NBEA: variants seen among roughly 807,000 people sequenced by gnomAD.
NBEA encodes the protein lysosomal-trafficking regulator 2.
A neutral mutation model predicts 343.4 loss-of-function variants in NBEA; 44 were observed. The ratio of observed to expected loss-of-function variants is 0.13; its 90% confidence interval spans 0.10 to 0.16. NBEA has a LOEUF of 0.16. Among genes scored for constraint, NBEA ranks in the 10% least tolerant of loss-of-function variants. The pLI is 1.00. For missense variants in NBEA, 2,555 were observed against 3,631.3 expected, an observed-to-expected ratio of 0.70 and a Z score of 7.62; for synonymous variants, 1,175 against 1,238.7, an observed-to-expected ratio of 0.95 and a Z score of 1.08.
chr13:35,305,050 A>G (rs1182884422), intron 35 of NBEA, among the ~76,000 whole-genome samples: 2 of 152,220 alleles, frequency 1.3e-5, no homozygotes, highest in African/African-American at 4.8e-5. Context: ...GCATTTCCCC[A>G]CTATAGCCAT....
At chr13:35,287,119 C>T (rs2035477923) in intron 34 of NBEA, among the ~76,000 whole-genome samples, 2 of 151,944 alleles carry the variant, frequency 1.3e-5, no homozygotes, top group Admixed American at 1.3e-4. Context: ...CCTCATAGGC[C>T]CCCACACATT....
chr13:35,598,881 G>A (rs975647059), intron 47 of NBEA, among the ~76,000 whole-genome samples: 1 of 152,130 alleles, frequency 6.6e-6, no homozygotes, highest in African/African-American at 2.4e-5. Flanking sequence ...TGAAGAGAGT[G>A]TTCTAGGCCC....
chr13:35,390,129 T>C (rs117704166), intron 38 of NBEA, among the ~76,000 whole-genome samples: 5,307 of 152,070 alleles, frequency 0.035, 139 homozygotes, highest in Non-Finnish European at 0.053. Flanking sequence ...GATGAGTCCA[T>C]TCATCACTTC....
intron 22 of NBEA, 34 bp from the exon 23 acceptor site, chr13:35,161,716 G>A (rs1157559426): frequency 2.0e-6 from 3 of 1,526,244 alleles, no homozygotes; most frequent in Non-Finnish European, 2.7e-6. Flanking sequence ...CATTTCTTTT[G>A]TATTCCACAA....
intron 1 of NBEA, among the ~76,000 whole-genome samples, chr13:34,990,035 A>C (rs1452730548): frequency 6.6e-6 from 1 of 151,236 alleles, no homozygotes; most frequent in Non-Finnish European, 1.5e-5. Flanking sequence ...TGCAAGGGGT[A>C]GGCTCCCAAG....
At chr13:35,627,856 T>TTTTCATTTAGGTCTCTGTAC in intron 48 of NBEA, among the ~76,000 whole-genome samples, 1 of 152,168 alleles carries the variant, frequency 6.6e-6, no homozygotes, top group African/African-American at 2.4e-5. Flanking sequence ...AAAGGGAAAA[T>TTTTCATTTAGGTCTCTGTAC]TTTCATTTAG....
intron 34 of NBEA, among the ~76,000 whole-genome samples, chr13:35,264,727 T>G (rs946913437): frequency 6.6e-6 from 1 of 151,812 alleles, no homozygotes; most frequent in African/African-American, 2.4e-5. Context: ...CTCTACAACT[T>G]CAGAAGGAAT....
chr13:35,193,819 A>G (rs1365324724), intron 30 of NBEA, among the ~76,000 whole-genome samples: 1 of 151,930 alleles, frequency 6.6e-6, no homozygotes, highest in African/African-American at 2.4e-5. Flanking sequence ...TCTTTGACCA[A>G]ACTAACAAAT....
chr13:35,638,832 G>A (rs189010242), intron 49 of NBEA, among the ~76,000 whole-genome samples: 254 of 152,274 alleles, frequency 1.7e-3, no homozygotes, highest in Non-Finnish European at 3.2e-3. Flanking sequence ...TTTTCTCTCC[G>A]GAGGAAATGA....
intron 1 of NBEA, among the ~76,000 whole-genome samples, chr13:35,026,137 A>G (rs1462213707): frequency 6.6e-6 from 1 of 151,906 alleles, no homozygotes; most frequent in Non-Finnish European, 1.5e-5. Flanking sequence ...ATGAGATCTG[A>G]TGGTTTCATA....
chr13:35,027,018 G>A (rs963502629), intron 1 of NBEA, among the ~76,000 whole-genome samples: 3 of 152,014 alleles, frequency 2.0e-5, no homozygotes, highest in African/African-American at 7.2e-5. Flanking sequence ...TTTGGAGACT[G>A]CTTTTCTTCA....
intron 10 of NBEA, among the ~76,000 whole-genome samples, chr13:35,086,260 C>T (rs933061228): frequency 1.3e-5 from 2 of 151,994 alleles, no homozygotes. Flanking sequence ...AAAAAAGAGC[C>T]CGCATTGCCA....
intron 49 of NBEA, 131 bp downstream of exon 49, chr13:35,628,379 A>G (rs981588894): frequency 8.7e-6 from 6 of 687,842 alleles, no homozygotes; most frequent in East Asian, 3.1e-5. Context: ...GGTTCTTGAC[A>G]TATGTGGAAA....
intron 38 of NBEA, among the ~76,000 whole-genome samples, chr13:35,378,665 T>TATAC (rs2041864602): frequency 6.6e-6 from 1 of 151,924 alleles, no homozygotes; most frequent in Admixed American, 6.6e-5. Context: ...TATATTAAAG[T>TATAC]ATACATACAT....
chr13:35,058,032 A>ATGACTGCC (rs1225330246), intron 7 of NBEA, among the ~76,000 whole-genome samples: 1 of 152,142 alleles, frequency 6.6e-6, no homozygotes, highest in Non-Finnish European at 1.5e-5. Context: ...GAACTGAGCC[A>ATGACTGCC]TGACTGCCTT....
At chr13:35,182,576 CT>C (rs1163587415) in intron 29 of NBEA, 48 bp downstream of exon 29, 4 of 1,513,642 alleles carry the variant, frequency 2.6e-6, no homozygotes, top group Non-Finnish European at 1.8e-6. Flanking sequence ...GATGTATCTC[CT>C]TTTTTTCACC....
intron 10 of NBEA, among the ~76,000 whole-genome samples, chr13:35,092,955 A>G (rs931268088): frequency 1.3e-5 from 2 of 152,036 alleles, no homozygotes; most frequent in African/African-American, 2.4e-5. Flanking sequence ...GCTTTTACAA[A>G]TGAATGGGTA....
intron 56 of NBEA, 52 bp downstream of exon 56, chr13:35,665,238 A>G (rs2085295229): frequency 7.2e-7 from 1 of 1,389,650 alleles, no homozygotes; most frequent in Non-Finnish European, 1.0e-6. Context: ...CTGTTTTCTC[A>G]CACTAAGCGT....
At chr13:35,283,649 C>G (rs960436000) in intron 34 of NBEA, among the ~76,000 whole-genome samples, 4 of 152,112 alleles carry the variant, frequency 2.6e-5, no homozygotes, top group African/African-American at 7.2e-5. Flanking sequence ...TTCATAGCAT[C>G]TTTAGGAAAG....
Sources: gnomAD v4.1 joint callset for allele counts (sites outside exome capture counted in the v4.1 genomes callset) on GRCh38, gnomAD v4.1.1 for gene constraint, MANE v1.5 for transcripts, NCBI Gene and HGNC (gene_info 2026-07-23, HGNC 2026-07-21) for gene names.